DRC4: variants seen among roughly 807,000 people sequenced by gnomAD.
DRC4 encodes the protein GAS-11.
At chr16:90,037,197 C>T in the DRC4 span, 2 of 1,564,004 alleles carry the variant, frequency 1.3e-6, no homozygotes, top group Admixed American at 1.9e-5. Context: ...GTTCTGCCTG[C>T]TGAGCCCCTG....
chr16:90,020,328 G>GA, the DRC4 span, among the ~76,000 whole-genome samples: 2 of 151,632 alleles, frequency 1.3e-5, no homozygotes, highest in Admixed American at 1.3e-4. Context: ...GAAAAGAAAA[G>GA]AAAAGAAAAA....
chr16:90,028,275 C>T, the DRC4 span, among the ~76,000 whole-genome samples: 2 of 150,084 alleles, frequency 1.3e-5, no homozygotes, highest in East Asian at 3.9e-4. Flanking sequence ...AGCTCCACCT[C>T]CCGGGTTCAC....
the DRC4 span, chr16:90,031,605 C>G: frequency 8.2e-7 from 1 of 1,222,386 alleles, no homozygotes; most frequent in Non-Finnish European, 1.1e-6. Context: ...CTTTGGGAGT[C>G]ACAGCCTTAA....
At chr16:90,042,270 C>G in the DRC4 span, 1 of 628,484 alleles carries the variant, frequency 1.6e-6, no homozygotes, top group Non-Finnish European at 3.0e-6. Flanking sequence ...TGTGCAAGCT[C>G]CCAGTTCTCT....
the DRC4 span, among the ~76,000 whole-genome samples, chr16:90,025,572 T>C: frequency 0.49 from 67,944 of 139,190 alleles, 16,683 homozygotes; most frequent in East Asian, 0.81. Context: ...ATGGCTTGAA[T>C]CCGGGAGGCG....
the DRC4 span, chr16:90,022,028 A>C: frequency 6.6e-6 from 1 of 152,178 alleles, no homozygotes; most frequent in East Asian, 1.9e-4. Context: ...GGAAAGTGGC[A>C]GCTGTTTGTT....
the DRC4 span, chr16:90,043,343 T>G: frequency 6.3e-7 from 1 of 1,582,940 alleles, no homozygotes; most frequent in African/African-American, 1.6e-5. Flanking sequence ...CACCCCGACG[T>G]AGCTGCCCCC....
the DRC4 span, chr16:90,044,578 C>T: frequency 1.7e-5 from 8 of 471,254 alleles, no homozygotes; most frequent in South Asian, 9.3e-5. Flanking sequence ...CTTGTAGGTG[C>T]CTGCCTTCAT....
chr16:90,039,531 G>T, the DRC4 span, among the ~76,000 whole-genome samples: 25 of 152,032 alleles, frequency 1.6e-4, no homozygotes, highest in African/African-American at 5.5e-4. Context: ...GATTACAGGC[G>T]CCTGCCACCA....
the DRC4 span, chr16:90,032,719 T>C: frequency 1.2e-6 from 2 of 1,613,694 alleles, no homozygotes; most frequent in African/African-American, 2.7e-5. Flanking sequence ...GCCCTGCAGG[T>C]GTACAAGCAG....
At chr16:90,037,685 C>A in the DRC4 span, 1 of 1,421,196 alleles carries the variant, frequency 7.0e-7, no homozygotes, top group Non-Finnish European at 9.9e-7. Flanking sequence ...GCCTTGCCAT[C>A]TCCCAGGAGC....
the DRC4 span, among the ~76,000 whole-genome samples, chr16:90,026,549 C>A: frequency 2.0e-5 from 3 of 152,186 alleles, no homozygotes; most frequent in African/African-American, 7.2e-5. Flanking sequence ...CAGGTCTTTT[C>A]CATGGTGGTC....
chr16:90,035,997 A>G, the DRC4 span: 10 of 1,061,448 alleles, frequency 9.4e-6, no homozygotes, highest in South Asian at 1.3e-4. Context: ...AGTCTTCTCC[A>G]TGGCTCCTGG....
the DRC4 span, chr16:90,022,521 C>G: frequency 2.4e-4 from 121 of 500,578 alleles, no homozygotes; most frequent in African/African-American, 2.3e-3. Flanking sequence ...CGACATTTTC[C>G]CAACGTTCAC....
chr16:90,019,776 C>T, the DRC4 span: 2 of 691,824 alleles, frequency 2.9e-6, no homozygotes. This position sits in a 1 kb window ranked among gnomAD's most constrained non-coding sequence, Gnocchi z 6.1. Flanking sequence ...CAGGTACTTG[C>T]GTGTGGGGCG....
the DRC4 span, chr16:90,027,834 C>A: frequency 3.1e-6 from 3 of 961,090 alleles, no homozygotes; most frequent in South Asian, 2.8e-5. Flanking sequence ...CTGTCCAAGC[C>A]AGAACACGCC....
chr16:90,034,058 G>A, the DRC4 span, among the ~76,000 whole-genome samples: 1 of 152,050 alleles, frequency 6.6e-6, no homozygotes, highest in African/African-American at 2.4e-5. Context: ...GACCCTGGTG[G>A]AGTCTGTTGC....
At chr16:90,039,331 T>C in the DRC4 span, among the ~76,000 whole-genome samples, 1 of 152,134 alleles carries the variant, frequency 6.6e-6, no homozygotes, top group Non-Finnish European at 1.5e-5. Context: ...AGCTCAAATT[T>C]ATCAGCAAAA....
the DRC4 span, among the ~76,000 whole-genome samples, chr16:90,030,693 C>T: frequency 3.9e-5 from 6 of 152,142 alleles, no homozygotes; most frequent in South Asian, 2.1e-4. Flanking sequence ...CATAACTAAC[C>T]GCAGCCTCAA....
Sources: gnomAD v4.1 joint callset for allele counts (sites outside exome capture counted in the v4.1 genomes callset) on GRCh38, gnomAD v4.1.1 for gene constraint, Gnocchi (gnomAD v3.1) non-coding constraint, MANE v1.5 for transcripts, NCBI Gene and HGNC (gene_info 2026-07-23, HGNC 2026-07-21) for gene names.